SYNJ2BP: variants seen among roughly 807,000 people sequenced by gnomAD.
The protein encoded by SYNJ2BP is synaptojanin-2-binding protein.
In SYNJ2BP, 10 loss-of-function variants were observed where a neutral mutation model predicts 16.9. The ratio of observed to expected loss-of-function variants is 0.59; its 90% CI spans 0.36 to 1.00. The LOEUF is 1.00. SYNJ2BP is among the 50% of genes least tolerant of loss of function. SYNJ2BP has a pLI of 0.01. For missense variants in SYNJ2BP, 162 were observed against 186.7 expected, an observed-to-expected ratio of 0.87 and a Z score of 0.77; for synonymous variants, 54 against 68.4, an observed-to-expected ratio of 0.79 and a Z score of 1.04.
chr14:70,416,975 C>T lies in SYNJ2BP; in HGVS notation c.-12G>A, dbSNP rs199933124. 6.2e-6 allele frequency: 10 copies of T among 1,614,164 alleles called. No homozygotes were observed. The East Asian group carries it at 1.3e-4, about 22-fold the overall frequency. On this transcript the variant is annotated 5_prime_UTR_variant, in exon 1 of 4. Coordinates refer to ENST00000256366, the MANE Select transcript of SYNJ2BP (RefSeq NM_018373.3). ...ACTCTTCCGTTCATGTTTTACAGCT[C>T]GTCTGGCTTCCTACTTGGGTCAGCT...
Position 70,371,593 on chromosome 14 carries a change from A to G in SYNJ2BP, c.*1398T>C, listed in dbSNP as rs921428067. Reference sequence around the variant, plus strand: ...GCCACCATGTCCAGGTAATTTTTGTATTTTCAGTAGACATGGGGTTTCACC... The same window carrying G: ...GCCACCATGTCCAGGTAATTTTTGTGTTTTCAGTAGACATGGGGTTTCACC... On this transcript the variant is annotated 3_prime_UTR_variant, in exon 4 of 4. Coordinates refer to ENST00000256366, the MANE Select transcript of SYNJ2BP (RefSeq NM_018373.3). 6.6e-6 allele frequency: 1 copy of G among 152,012 alleles called. No homozygotes were observed. The highest frequency in any genetic ancestry group is 6.6e-5 in the Admixed American group (1 of 15,262). 9.4% of individuals were successfully genotyped at this position (152,012 alleles called of 1,614,324 possible). A position where few individuals can be genotyped will look rare whatever the true frequency, so the allele number is the denominator to read the frequency against.
chr14:70,401,324 C>T (rs1164216959), intron 1 of SYNJ2BP, among the ~76,000 whole-genome samples: 2 of 152,084 alleles, frequency 1.3e-5, no homozygotes, highest in African/African-American at 4.8e-5. Context: ...CTGGGCATGG[C>T]AGCTCACACA....
rs1242461408 is a variant in SYNJ2BP, at chr14:70,367,923, A to G, written c.*5068T>C. On this transcript the variant is annotated 3_prime_UTR_variant, in exon 4 of 4. Transcript: ENST00000256366. ...TCTCTCTATCTTCGGCACCTAGCAC[A>G]TAGTAGGCAGTCATTAGTTATTTGC... 2.0e-5 allele frequency: 3 copies of G among 152,212 alleles called. No homozygotes were observed. The highest frequency in any genetic ancestry group is 4.4e-5 in the Non-Finnish European group (3 of 68,040). The allele number at this position is 152,212 out of a possible 1,614,324, so 9.4% of individuals were successfully genotyped here. A position where few individuals can be genotyped will look rare whatever the true frequency, so the allele number is the denominator to read the frequency against.
chr14:70,402,104 T>C (rs1888252236), intron 1 of SYNJ2BP, among the ~76,000 whole-genome samples: 1 of 152,178 alleles, frequency 6.6e-6, no homozygotes, highest in South Asian at 2.1e-4. Context: ...TTCTGTCTTC[T>C]TGTGGAGTCT....
At chr14:70,411,718 A>T (rs1211006110) in intron 1 of SYNJ2BP, among the ~76,000 whole-genome samples, 6 of 152,142 alleles carry the variant, frequency 3.9e-5, no homozygotes, top group Non-Finnish European at 8.8e-5. Flanking sequence ...CTTTTAATTG[A>T]CCATTTTAAT....
At chr14:70,399,626 C>T (rs1210170856) in intron 1 of SYNJ2BP, among the ~76,000 whole-genome samples, 1 of 152,264 alleles carries the variant, frequency 6.6e-6, no homozygotes, top group South Asian at 2.1e-4. Flanking sequence ...CTGCCCACGC[C>T]TCCCCGCTGC....
rs1887438312 is a variant in SYNJ2BP at position 70,368,277 on chromosome 14, T to A, written c.*4714A>T. 6.6e-6 allele frequency: 1 copy of A among 152,170 alleles called. No homozygotes were observed. Among genetic ancestry groups the A allele is most frequent in the Non-Finnish European group, 1.5e-5 (1 of 68,032 alleles). The allele number at this position is 152,170 out of a possible 1,614,324, so 9.4% of individuals were successfully genotyped here. On this transcript the variant is annotated 3_prime_UTR_variant, in exon 4 of 4. Coordinates refer to ENST00000256366, the MANE Select transcript of SYNJ2BP (RefSeq NM_018373.3). ...AATTCCAATAATGATGCTTGCAATA[T>A]CCTTTAGCTGTCTATCAGTTCTGGT...
At position 70,416,892 on chromosome 14, in the gene SYNJ2BP, G is replaced by T; in HGVS notation, c.64+8C>A. ...CCTACTGTCAGATATGACCCTTTCC[G>T]CACATACCTGAGGGCCCTCTGGTAA... On this transcript the variant is annotated splice_region_variant and intron_variant, in intron 1 of 3. Transcript: ENST00000256366. 6.2e-7 allele frequency: 1 copy of T among 1,613,972 alleles called. No homozygotes were observed.
intron 1 of SYNJ2BP, among the ~76,000 whole-genome samples, chr14:70,405,670 G>C (rs898126458): frequency 1.3e-5 from 2 of 152,150 alleles, no homozygotes; most frequent in African/African-American, 2.4e-5. Flanking sequence ...TGTGTTCAAA[G>C]CTGATTGAGA....
chr14:70,379,502 CT>C (rs1341359314), intron 2 of SYNJ2BP, among the ~76,000 whole-genome samples: 1 of 152,170 alleles, frequency 6.6e-6, no homozygotes, highest in Non-Finnish European at 1.5e-5. Flanking sequence ...ATGCCCTTCC[CT>C]TTTAAAAAAT....
intron 3 of SYNJ2BP, among the ~76,000 whole-genome samples, chr14:70,374,181 T>C (rs116214332): frequency 0.017 from 2,559 of 152,342 alleles, 71 homozygotes; most frequent in African/African-American, 0.057. Flanking sequence ...AAAAGAATTG[T>C]AATCATATTG....
chr14:70,375,679 G>C lies in SYNJ2BP; in HGVS notation c.294C>G (p.His98Gln). ...TCTGGCTCAAAGTGATACCTACCCT[G>C]TGCTGCACTCTCAGAGACACAGCAT... is the stretch of plus-strand genomic sequence containing the variant. ...AGYAVSLRVQHRLQVQNGPIG... is the reference protein window; with the variant it reads ...AGYAVSLRVQQRLQVQNGPIG... The change falls in exon 3 of 4, where the codon CAC (histidine) becomes CAG (glutamine). Residue 98 changes from histidine (H) to glutamine (Q), a missense_variant. His to Gln is a conservative substitution (Grantham distance 24). Transcript: ENST00000256366. The C allele has an allele frequency of 1.2e-6, 2 of 1,613,710 alleles. No homozygotes were observed. The highest frequency in any genetic ancestry group is 1.7e-6 in the Non-Finnish European group (2 of 1,179,846).
chr14:70,389,367 G>C (rs1284215561), intron 1 of SYNJ2BP, among the ~76,000 whole-genome samples: 3 of 132,736 alleles, frequency 2.3e-5, no homozygotes, highest in African/African-American at 8.7e-5. Flanking sequence ...AATCTCTTGA[G>C]AGTTTCTTTT....
At chr14:70,381,299 G>GCTAAAGGTATTCTAA (rs1887744272) in intron 2 of SYNJ2BP, among the ~76,000 whole-genome samples, 1 of 152,114 alleles carries the variant, frequency 6.6e-6, no homozygotes, top group Non-Finnish European at 1.5e-5. Flanking sequence ...CCTAGTTAAG[G>GCTAAAGGTATTCTAA]CTAAAGGTAT....
chr14:70,384,697 G>A (rs565768154), intron 2 of SYNJ2BP, among the ~76,000 whole-genome samples: 17 of 151,716 alleles, frequency 1.1e-4, no homozygotes, highest in African/African-American at 3.9e-4. Context: ...ATAAGTGTCT[G>A]GCACTTCCCC....
rs1887507870 is a variant in SYNJ2BP at position 70,371,045 on chromosome 14, C to T, written c.*1946G>A. 1 of 152,102 alleles carries T rather than the reference C, an allele frequency of 6.6e-6. No homozygotes were observed. Among genetic ancestry groups the T allele is most frequent in the Non-Finnish European group, 1.5e-5 (1 of 68,020 alleles). 9.4% of individuals were successfully genotyped at this position (152,102 alleles called of 1,614,324 possible). On this transcript the variant is annotated 3_prime_UTR_variant, in exon 4 of 4. Coordinates refer to ENST00000256366, the MANE Select transcript of SYNJ2BP (RefSeq NM_018373.3). The stretch of plus-strand genomic sequence containing the variant: ...ATCAACATTTAATTACCAGACTGTC[C>T]AAGCTAGAAATGAAATACAGTTGAT...
At chr14:70,414,697 G>A (rs189176250) in intron 1 of SYNJ2BP, among the ~76,000 whole-genome samples, 7 of 152,172 alleles carry the variant, frequency 4.6e-5, no homozygotes, top group Non-Finnish European at 1.5e-5. Flanking sequence ...CATCTCAAGA[G>A]GTAGTAAAAT....
At chr14:70,390,370 A>G (rs928083947) in intron 1 of SYNJ2BP, among the ~76,000 whole-genome samples, 1 of 152,148 alleles carries the variant, frequency 6.6e-6, no homozygotes, top group Non-Finnish European at 1.5e-5. Flanking sequence ...AAGATACTTA[A>G]AGAGACATAT....
chr14:70,395,874 A>T (rs1888079461), intron 1 of SYNJ2BP, among the ~76,000 whole-genome samples: 1 of 152,208 alleles, frequency 6.6e-6, no homozygotes, highest in Non-Finnish European at 1.5e-5. Flanking sequence ...ATATAAGTAG[A>T]ATCACACAAT....
Sources: allele counts gnomAD v4.1 joint callset (sites outside exome capture counted in the v4.1 genomes callset), GRCh38; gene constraint gnomAD v4.1.1; transcripts MANE v1.5; gene names NCBI Gene and HGNC (gene_info 2026-07-23, HGNC 2026-07-21).